The following PFKP variants were observed in gnomAD, a reference collection of about 807,000 sequenced individuals.
The protein encoded by PFKP is ATP-dependent 6-phosphofructokinase, platelet type.
In PFKP, 101 loss-of-function variants were observed where a neutral mutation model predicts 94.3. The ratio of observed to expected loss-of-function variants is 1.07; its 90% CI spans 0.91 to 1.26. The LOEUF (loss-of-function observed/expected upper bound fraction) is 1.26, where lower values mean the gene tolerates loss of function less well. Among genes scored for constraint, PFKP ranks in the 50% most tolerant of loss-of-function variants. The probability of loss-of-function intolerance (pLI) is 0.00; values close to 1 mark genes in which losing one functional copy is unlikely to be tolerated. For missense variants in PFKP, 1,145 were observed against 1,103.3 expected, an observed-to-expected ratio of 1.04 and a Z score of -0.53; for synonymous variants, 573 against 432.6, an observed-to-expected ratio of 1.32 and a Z score of -4.03.
intron 2 of PFKP, among the ~76,000 whole-genome samples, chr10:3,099,024 A>T (rs1441954460): frequency 6.6e-6 from 1 of 152,128 alleles, no homozygotes. Context: ...GGGCCATAGG[A>T]GAATGGCTTG....
chr10:3,070,734 C>G (rs1033050409), intron 1 of PFKP, among the ~76,000 whole-genome samples: 6 of 152,042 alleles, frequency 3.9e-5, no homozygotes, highest in African/African-American at 7.2e-5. Context: ...ATTGTACTCT[C>G]CCGTAGACCA....
intron 8 of PFKP, chr10:3,107,979 G>A (rs772371268): frequency 1.6e-5 from 20 of 1,289,578 alleles, no homozygotes; most frequent in Non-Finnish European, 1.8e-5. Context: ...TTTGCAAGTC[G>A]GCTTCTTTAT....
intron 8 of PFKP, chr10:3,107,740 G>A: frequency 1.2e-6 from 1 of 835,700 alleles, no homozygotes; most frequent in Non-Finnish European, 1.3e-6. Flanking sequence ...CATCAGCTGA[G>A]CACATTCTTA....
At chr10:3,068,785 G>T in intron 1 of PFKP, 1 of 776,314 alleles carries the variant, frequency 1.3e-6, no homozygotes, top group Non-Finnish European at 1.6e-6. Context: ...GGGAGCCTTA[G>T]CGATCGCGCA....
intron 1 of PFKP, among the ~76,000 whole-genome samples, chr10:3,075,757 TAGTC>T (rs1832527559): frequency 6.7e-6 from 1 of 149,558 alleles, no homozygotes; most frequent in Admixed American, 6.7e-5. Context: ...ACAAAACAAT[TAGTC>T]AGGCGTGGCG....
chr10:3,135,366 C>T (rs1000915903), intron 20 of PFKP, among the ~76,000 whole-genome samples: 19 of 152,372 alleles, frequency 1.2e-4, no homozygotes, highest in Admixed American at 7.8e-4. Context: ...ATTCTTTCTA[C>T]AGCGATTTTC....
Position 3,126,488 on chromosome 10 carries a change from C to T in PFKP, c.1684-3331C>T, listed in dbSNP as rs189055408. Among the ~76,000 whole-genome samples, 125 of 152,346 alleles carry T rather than the reference C, an allele frequency of 8.2e-4. 3 individuals are homozygous for T. The East Asian group carries it at 0.022, about 27-fold the overall frequency. Reference sequence around the variant, plus strand: ...CACACTTCCACCCTCGCGCCCCACACGCGACGCAGCCCTACCCTGGCCAGC... The same window carrying T: ...CACACTTCCACCCTCGCGCCCCACATGCGACGCAGCCCTACCCTGGCCAGC... On this transcript the variant is annotated intron_variant, in intron 16 of 21. Coordinates refer to ENST00000381125, the MANE Select transcript of PFKP (RefSeq NM_002627.5).
At chr10:3,079,660 G>GT (rs1564266528) in intron 1 of PFKP, among the ~76,000 whole-genome samples, 1 of 65,824 alleles carries the variant, frequency 1.5e-5, no homozygotes, top group Non-Finnish European at 3.6e-5. Flanking sequence ...CAGAGAGCGG[G>GT]GTGGGGGGGG....
rs200778592 is a variant in PFKP, at chr10:3,129,863, C to T, written c.1728C>T (p.Arg576=). ...IKQSASGTKR[R]VFIIETMGGY... Reference sequence around the variant, plus strand: ...AGTCCGCCAGCGGAACCAAGCGGCGCGTGTTCATCATCGAGACCATGGGCG... The same window carrying T: ...AGTCCGCCAGCGGAACCAAGCGGCGTGTGTTCATCATCGAGACCATGGGCG... The change falls in exon 17 of 22, where the codon CGC becomes CGT. Residue 576 remains arginine, a synonymous_variant. Transcript: ENST00000381125. The T allele has an allele frequency of 5.6e-6, 9 of 1,613,552 alleles. No homozygotes were observed. The highest frequency in any genetic ancestry group is 2.2e-5 in the East Asian group (1 of 44,862).
chr10:3,112,208 CATT>C lies in PFKP; in HGVS notation c.1090-13_1090-11del, dbSNP rs2131599180. The stretch of plus-strand genomic sequence containing the variant: ...CTGACACATTCTTTCTTCTTTTCAT[CATT>C]GTTTTAAAAGACTCAGGATGTGCAG... On this transcript the variant is annotated splice_polypyrimidine_tract_variant and intron_variant, in intron 10 of 21. Transcript: ENST00000381125. The C allele has an allele frequency of 6.2e-7, 1 of 1,608,106 alleles. No individual in the cohort carries two copies. The highest frequency in any genetic ancestry group is 8.5e-7 in the Non-Finnish European group (1 of 1,174,554).
chr10:3,124,039 C>T (rs1354914356), intron 16 of PFKP, among the ~76,000 whole-genome samples: 1 of 128,416 alleles, frequency 7.8e-6, no homozygotes. Flanking sequence ...GTGCTGTGAA[C>T]TCACCTGCCA....
chr10:3,080,890 C>T (rs1166145886), intron 1 of PFKP, among the ~76,000 whole-genome samples: 1 of 152,060 alleles, frequency 6.6e-6, no homozygotes, highest in African/African-American at 2.4e-5. Flanking sequence ...CATTCAGCGC[C>T]AGAGACAGAG....
intron 19 of PFKP, among the ~76,000 whole-genome samples, chr10:3,133,983 TGCACACAG>T (rs1448578603): frequency 1.3e-5 from 2 of 152,216 alleles, no homozygotes; most frequent in South Asian, 2.1e-4. Flanking sequence ...TGGAATGAGC[TGCACACAG>T]GCACACACGT....
chr10:3,105,453 T>A lies in PFKP; in HGVS notation c.726T>A (p.Ser242=). 6.2e-7 allele frequency: 1 copy of A among 1,613,862 alleles called. No individual in the cohort carries two copies. The highest frequency in any genetic ancestry group is 8.5e-7 in the Non-Finnish European group (1 of 1,179,932). Residue 242 remains serine (S), a synonymous_variant, in exon 7 of 22, where the codon TCT becomes TCA. Transcript: ENST00000381125. ...CGGACTGGGTGTTCCTTCCAGAATC[T>A]CCACCAGAGGAAGGCTGGGAGGAGC... is the stretch of plus-strand genomic sequence containing the variant. ...CGADWVFLPE[S]PPEEGWEEQM...
chr10:3,120,091 C>T (rs369294509), intron 16 of PFKP, 47 bp downstream of exon 16: 19 of 1,580,910 alleles, frequency 1.2e-5, no homozygotes, highest in Admixed American at 1.7e-5. Context: ...TGACGCTAAC[C>T]CCGGGGCCCC....
intron 1 of PFKP, among the ~76,000 whole-genome samples, chr10:3,078,965 G>T (rs188968369): frequency 6.6e-6 from 1 of 152,196 alleles, no homozygotes; most frequent in Non-Finnish European, 1.5e-5. Flanking sequence ...AAAGTGTGGT[G>T]CCCCCATCAC....
intron 2 of PFKP, among the ~76,000 whole-genome samples, chr10:3,087,215 TC>T (rs1833672138): frequency 6.6e-6 from 1 of 150,634 alleles, no homozygotes; most frequent in South Asian, 2.1e-4. Context: ...TGCCTTGGCC[TC>T]CCAAAGTGCT....
chr10:3,093,150 G>A (rs1034986489), intron 2 of PFKP, among the ~76,000 whole-genome samples: 1 of 152,172 alleles, frequency 6.6e-6, no homozygotes, highest in African/African-American at 2.4e-5. Context: ...AAGACAAAGA[G>A]CAGGTGACAG....
At chr10:3,135,173 C>CCAG (rs1172210701) in intron 20 of PFKP, among the ~76,000 whole-genome samples, 3 of 152,210 alleles carry the variant, frequency 2.0e-5, no homozygotes, top group East Asian at 3.9e-4. Context: ...GCTCTTTGTG[C>CCAG]CAGCATCTTT....
Sources: allele counts gnomAD v4.1 joint callset (sites outside exome capture counted in the v4.1 genomes callset), GRCh38; gene constraint gnomAD v4.1.1; transcripts MANE v1.5; gene names NCBI Gene and HGNC (gene_info 2026-07-23, HGNC 2026-07-21).